Variants in COL6A5 observed in about 807,000 individuals in gnomAD.
COL6A5 encodes the protein collagen type VI alpha 5 chain, also known as collagen alpha-5(VI) chain.
Under a neutral mutation model 65.6 loss-of-function variants are expected in COL6A5, and 48 were observed. That is an observed-to-expected ratio of 0.73 (90% CI 0.58 to 0.93). COL6A5 has a LOEUF of 0.93. COL6A5 is among the 40% of genes least tolerant of loss of function. The pLI is 0.00. For synonymous variants in COL6A5, 291 were observed against 322.8 expected (o/e 0.90, Z 1.05); for missense variants, 914 against 928.3 (o/e 0.98, Z 0.20).
intron 1 of COL6A5, among the ~76,000 whole-genome samples, chr3:130,360,366 T>A (rs561934947): frequency 2.0e-5 from 3 of 152,268 alleles, no homozygotes; most frequent in African/African-American, 7.2e-5. Flanking sequence ...TGATTTATTC[T>A]TGGATTCTTC....
At chr3:130,384,350 G>C (rs1936106310) in intron 4 of COL6A5, among the ~76,000 whole-genome samples, 3 of 152,128 alleles carry the variant, frequency 2.0e-5, no homozygotes, top group Admixed American at 1.3e-4. Context: ...TTAAGAGGTA[G>C]GATAATATGA....
chr3:130,474,393 T>C (rs912275935), intron 7 of COL6A5, among the ~76,000 whole-genome samples: 1 of 152,008 alleles, frequency 6.6e-6, no homozygotes, highest in Non-Finnish European at 1.5e-5. Flanking sequence ...ATTCAAAATG[T>C]TCAGGATACA....
intron 5 of COL6A5, among the ~76,000 whole-genome samples, chr3:130,464,611 A>G (rs1709772877): frequency 6.6e-6 from 1 of 152,104 alleles, no homozygotes; most frequent in South Asian, 2.1e-4. Context: ...AATCTTCACA[A>G]TTCCTAACAC....
At chr3:130,374,404 A>G (rs1006372567) in intron 2 of COL6A5, among the ~76,000 whole-genome samples, 3 of 152,318 alleles carry the variant, frequency 2.0e-5, no homozygotes, top group Admixed American at 6.5e-5. Context: ...TTGCACTACC[A>G]CATTATGACA....
chr3:130,416,890 A>ATATTTT, intron 24 of COL6A5, 71 bp downstream of exon 24: 2 of 836,736 alleles, frequency 2.4e-6, no homozygotes, highest in Non-Finnish European at 3.7e-6. Flanking sequence ...TAATAATTGC[A>ATATTTT]TATTTTTATG....
intron 17 of COL6A5, 42 bp downstream of exon 17, chr3:130,406,363 G>A: frequency 6.8e-7 from 1 of 1,469,434 alleles, no homozygotes; most frequent in Non-Finnish European, 9.3e-7. Flanking sequence ...GGAGAATTTG[G>A]TGACAGAGAC....
chr3:130,437,495 T>A (rs544028564), intron 1 of COL6A5, among the ~76,000 whole-genome samples: 1 of 152,238 alleles, frequency 6.6e-6, no homozygotes, highest in African/African-American at 2.4e-5. Context: ...GCAGCTAGAA[T>A]AATCTTATTA....
exon 5 of COL6A5, chr3:130,384,970 C>A: frequency 6.4e-7 from 1 of 1,550,966 alleles, no homozygotes. Context: ...ATTCAGATGA[C>A]ACAGAAGTGG....
At chr3:130,379,727 T>G in exon 4 of COL6A5, 1 of 1,551,420 alleles carries the variant, frequency 6.4e-7, no homozygotes, top group Middle Eastern at 1.7e-4. Flanking sequence ...AGAGACGGCT[T>G]CTCAGAGTCA....
At chr3:130,474,845 A>C (rs975157905) in intron 7 of COL6A5, among the ~76,000 whole-genome samples, 1 of 150,342 alleles carries the variant, frequency 6.7e-6, no homozygotes, top group Non-Finnish European at 1.5e-5. Flanking sequence ...CCATCTCAAC[A>C]ACAACAAATT....
chr3:130,452,607 T>C (rs1278854737), intron 4 of COL6A5, among the ~76,000 whole-genome samples: 1 of 152,008 alleles, frequency 6.6e-6, no homozygotes, highest in African/African-American at 2.4e-5. Context: ...ACAAGGCAAA[T>C]GGAGGCAGGG....
At chr3:130,410,107 A>G (rs565983323) in intron 19 of COL6A5, 33 bp downstream of exon 19, 1 of 1,440,930 alleles carries the variant, frequency 6.9e-7, no homozygotes, top group Non-Finnish European at 9.5e-7. Flanking sequence ...TGAGTTGATT[A>G]ATTCTGTTAT....
Position 130,461,775 on chromosome 3 carries a change from T to TA in COL6A5, c.1544+6117dup, listed in dbSNP as rs35931079. The stretch of plus-strand genomic sequence containing the variant: ...AAATTTAAATTAACTTTTTTTTTTT[T>TA]AAAAAAAACCTTCTTATAAACTCAT... On this transcript the variant is annotated intron_variant, in intron 5 of 7. Transcript: ENST00000512836. 1.5e-3 allele frequency among the ~76,000 whole-genome samples: 215 copies of TA among 145,616 alleles called. 4 individuals are homozygous for TA. Among genetic ancestry groups the TA allele is most frequent in the Admixed American group, 0.01 (151 of 14,568 alleles).
chr3:130,365,338 C>A (rs188060133), intron 1 of COL6A5, among the ~76,000 whole-genome samples: 4 of 152,048 alleles, frequency 2.6e-5, no homozygotes, highest in African/African-American at 9.7e-5. Flanking sequence ...AGAGCAGTGG[C>A]GAGATCTCGG....
At chr3:130,419,637 A>G (rs1379482768) in intron 25 of COL6A5, among the ~76,000 whole-genome samples, 1 of 152,160 alleles carries the variant, frequency 6.6e-6, no homozygotes, top group Non-Finnish European at 1.5e-5. Flanking sequence ...TCCAGAGAAC[A>G]TTATGTGAAG....
At chr3:130,471,090 G>GTA (rs1013599817) in intron 7 of COL6A5, 123 bp downstream of exon 39, 54 of 696,792 alleles carry the variant, frequency 7.7e-5, no homozygotes, top group Non-Finnish European at 1.3e-4. Flanking sequence ...GTGTGTGTGT[G>GTA]TGTGTGTGTG....
In COL6A5 at chr3:130,386,283, A is replaced by G. The variant is rs114907905; in HGVS notation, c.1861+919A>G. On this transcript the variant is annotated intron_variant and NMD_transcript_variant, in intron 5 of 41. Coordinates refer to the COL6A5 transcript ENST00000312481. ...CCTTGGTTTCCTTGTTTGTAGGCTT[A>G]TTGTGAAGCTTAATGGTGATAACAC... 3.0e-3 allele frequency among the ~76,000 whole-genome samples: 463 copies of G among 152,174 alleles called. 3 individuals carry two copies. The highest frequency in any genetic ancestry group is 0.011 in the African/African-American group (438 of 41,550).
chr3:130,455,630 G>C (rs1158966688), exon 5 of COL6A5: 2 of 1,612,778 alleles, frequency 1.2e-6, no homozygotes, highest in Admixed American at 1.7e-5. Flanking sequence ...TTATGAAAAA[G>C]ATCAAAAATC....
chr3:130,455,458 T>C (rs779130290), exon 5 of COL6A5: 1 of 1,605,638 alleles, frequency 6.2e-7, no homozygotes, highest in Admixed American at 1.7e-5. Context: ...CTTCTAGATT[T>C]GTTACTGAGC....
Sources: gnomAD v4.1 joint callset for allele counts (sites outside exome capture counted in the v4.1 genomes callset) on GRCh38, gnomAD v4.1.1 for gene constraint, MANE v1.5 for transcripts, NCBI Gene and HGNC (gene_info 2026-07-23, HGNC 2026-07-21) for gene names.